The following DMD variants were observed in gnomAD, a reference collection of about 807,000 sequenced individuals.
The protein encoded by DMD is dystrophin.
A neutral mutation model predicts 330.1 loss-of-function variants in DMD; 63 were observed. That is an observed-to-expected ratio of 0.19 (90% confidence interval 0.16 to 0.24). The LOEUF is 0.24. Ranked by LOEUF, DMD falls within the 10% of genes least tolerant of loss-of-function variation. The pLI, the probability that DMD is intolerant of heterozygous loss-of-function variation, is 1.00. For missense variants in DMD, 3,344 were observed against 2,684.1 expected, an observed-to-expected ratio of 1.25 and a Z score of -5.43; for synonymous variants, 1,223 against 959.8, an observed-to-expected ratio of 1.27 and a Z score of -5.07.
intron 13 of DMD, among the ~76,000 whole-genome samples, chrX:32,593,907 T>A (rs1423900656): frequency 8.9e-6 from 1 of 112,507 alleles, no homozygotes; most frequent in Non-Finnish European, 1.9e-5. Flanking sequence ...AAGACTCTAA[T>A]CTGCAGTAAC....
At chrX:32,442,119 G>C in intron 27 of DMD, among the ~76,000 whole-genome samples, 1 of 110,860 alleles carries the variant, frequency 9.0e-6, no homozygotes, top group Non-Finnish European at 1.9e-5. Flanking sequence ...CTTTGGCATA[G>C]AGAAGAATAT....
chrX:31,641,286 G>A (rs183393640), intron 54 of DMD, among the ~76,000 whole-genome samples: 67 of 110,963 alleles, frequency 6.0e-4, no homozygotes, highest in African/African-American at 2.1e-3. Context: ...TGGATCACGA[G>A]GTCAGGAGTT....
At chrX:32,801,348 C>A (rs2076550378) in intron 7 of DMD, among the ~76,000 whole-genome samples, 1 of 111,508 alleles carries the variant, frequency 9.0e-6, no homozygotes, top group African/African-American at 3.3e-5. Flanking sequence ...TGTTCATACC[C>A]TTTGCCTACT....
chrX:32,606,125 T>C (rs2056676864), intron 12 of DMD, among the ~76,000 whole-genome samples: 1 of 110,523 alleles, frequency 9.0e-6, no homozygotes, highest in Non-Finnish European at 1.9e-5. Context: ...TTATGTCTTT[T>C]CATTCTTTCT....
chrX:32,769,107 CAGAAAAATAT>C (rs2073322099), intron 7 of DMD, among the ~76,000 whole-genome samples: 1 of 112,087 alleles, frequency 8.9e-6, no homozygotes, highest in South Asian at 3.7e-4. Flanking sequence ...ACAACAAAGG[CAGAAAAATAT>C]AGAAAAATAT....
intron 51 of DMD, among the ~76,000 whole-genome samples, chrX:31,769,390 T>A (rs1472189720): frequency 8.9e-6 from 1 of 112,339 alleles, no homozygotes; most frequent in East Asian, 2.8e-4. Flanking sequence ...TGAGAACCAA[T>A]TACTGTACGT....
At chrX:31,301,765 G>T (rs900755936) in intron 62 of DMD, among the ~76,000 whole-genome samples, 16 of 109,067 alleles carry the variant, frequency 1.5e-4, no homozygotes, top group Non-Finnish European at 2.7e-4. Context: ...GTTTTTTTTT[G>T]TTTGTTTGTT....
rs5902034 is a variant in DMD at position 32,485,734 on chromosome X, C to CTTT, written c.2623-638_2623-636dup. Among the ~76,000 whole-genome samples, 40 of 36,154 alleles carry CTTT rather than the reference C, an allele frequency of 1.1e-3. 4 individuals are homozygous for CTTT. The highest frequency in any genetic ancestry group is 4.0e-3 in the African/African-American group (37 of 9,356). The allele number at this position is 36,154 out of a possible 115,157, so 31.4% of individuals were successfully genotyped here. ...CTCCTGACCAAACAGGCAACCACTG[C>CTTT]TTTTTTTTTTTTTTTTTTTTTTTTT... On this transcript the variant is annotated intron_variant, in intron 20 of 78. Transcript: ENST00000357033.
At chrX:32,468,750 G>C in intron 22 of DMD, 40 bp from the exon 23 acceptor site, 1 of 1,062,363 alleles carries the variant, frequency 9.4e-7, no homozygotes, top group Non-Finnish European at 1.3e-6. Flanking sequence ...CCTAATTGAT[G>C]AATAATAATT....
intron 63 of DMD, among the ~76,000 whole-genome samples, chrX:31,234,221 C>A (rs778152673): frequency 8.9e-6 from 1 of 112,150 alleles, no homozygotes; most frequent in South Asian, 3.7e-4. Context: ...AAAGCTTTTA[C>A]ATTTACCCTT....
At chrX:31,893,586 A>T (rs2094289533) in intron 47 of DMD, among the ~76,000 whole-genome samples, 1 of 100,798 alleles carries the variant, frequency 9.9e-6, no homozygotes, top group African/African-American at 3.5e-5. Flanking sequence ...AAAGGGAGGG[A>T]GGGAGGGAAA....
intron 9 of DMD, among the ~76,000 whole-genome samples, chrX:32,672,905 A>C (rs765225120): frequency 9.0e-5 from 10 of 111,164 alleles, no homozygotes; most frequent in African/African-American, 3.3e-4. Context: ...AAGGCTTACC[A>C]GAATCCTGCC....
rs923039797 is a variant in DMD, at chrX:31,120,749, C to G, written c.*1170G>C. 4 of 110,338 alleles carry G rather than the reference C, an allele frequency of 3.6e-5. No individual in the cohort carries two copies. The highest frequency in any genetic ancestry group is 1.3e-4 in the African/African-American group (4 of 30,326). The allele number at this position is 110,338 out of a possible 1,213,427, so 9.1% of individuals were successfully genotyped here. On this transcript the variant is annotated 3_prime_UTR_variant, in exon 79 of 79. Coordinates refer to ENST00000357033, the MANE Select transcript of DMD (RefSeq NM_004006.3). ...CAGCCCTATCATCGTCCTGCTACTG[C>G]TTGGGAGTTAAAAAATACCTTCTGA... is the stretch of plus-strand genomic sequence containing the variant.
chrX:33,270,967 T>C (rs1247815332), intron 1 of DMD, among the ~76,000 whole-genome samples: 1 of 111,600 alleles, frequency 9.0e-6, no homozygotes, highest in Non-Finnish European at 1.9e-5. Context: ...AAAAAGACTT[T>C]TGTCATCCAA....
At chrX:32,585,553 A>C (rs1048312272) in intron 13 of DMD, among the ~76,000 whole-genome samples, 2 of 107,214 alleles carry the variant, frequency 1.9e-5, no homozygotes, top group Non-Finnish European at 3.9e-5. Context: ...ACAAAAAATT[A>C]GCCAGGCGTG....
intron 55 of DMD, among the ~76,000 whole-genome samples, chrX:31,602,007 T>G (rs1306208827): frequency 8.9e-6 from 1 of 111,779 alleles, no homozygotes; most frequent in Non-Finnish European, 1.9e-5. Context: ...CCATATATAA[T>G]AAAAGGTCCT....
At chrX:32,875,267 G>T (rs1170077991) in intron 2 of DMD, among the ~76,000 whole-genome samples, 1 of 111,375 alleles carries the variant, frequency 9.0e-6, no homozygotes, top group African/African-American at 3.3e-5. Flanking sequence ...CTATTTAACA[G>T]ATTACACCCT....
At chrX:31,166,229 C>T (rs965361003) in intron 74 of DMD, among the ~76,000 whole-genome samples, 10 of 111,418 alleles carry the variant, frequency 9.0e-5, no homozygotes, top group Non-Finnish European at 1.7e-4. Context: ...AAATGGAATT[C>T]TAAAGGCAGA....
intron 44 of DMD, among the ~76,000 whole-genome samples, chrX:31,987,218 A>G (rs2095515709): frequency 1.8e-5 from 2 of 112,092 alleles, no homozygotes; most frequent in African/African-American, 6.5e-5. Context: ...CTTAATTGCC[A>G]AACAATTAAG....
Sources: allele counts gnomAD v4.1 joint callset (sites outside exome capture counted in the v4.1 genomes callset), GRCh38; gene constraint gnomAD v4.1.1; transcripts MANE v1.5; gene names NCBI Gene and HGNC (gene_info 2026-07-23, HGNC 2026-07-21).